The following SH3GL2 variants were observed in gnomAD, a reference collection of about 807,000 sequenced individuals.
SH3GL2 encodes the protein SH3 domain containing GRB2 like 2, endophilin A1, also known as endophilin-A1.
SH3GL2 carries 24 observed loss-of-function variants against 46.0 expected under a neutral mutation model. That is an observed-to-expected ratio of 0.52 (90% CI 0.38 to 0.73). The LOEUF is 0.73. Among genes scored for constraint, SH3GL2 ranks in the 30% least tolerant of loss-of-function variants. The probability of loss-of-function intolerance (pLI) is 0.00; values close to 1 mark genes in which losing one functional copy is unlikely to be tolerated. For missense variants in SH3GL2, 413 were observed against 424.2 expected, an observed-to-expected ratio of 0.97 and a Z score of 0.23; for synonymous variants, 196 against 147.1, an observed-to-expected ratio of 1.33 and a Z score of -2.40.
chr9:17,631,365 C>T (rs758359964), intron 1 of SH3GL2, among the ~76,000 whole-genome samples: 4 of 152,176 alleles, frequency 2.6e-5, no homozygotes, highest in Non-Finnish European at 5.9e-5. Context: ...CTGACATCCC[C>T]TCTTGCTCAG....
At chr9:17,633,676 G>C (rs909288025) in intron 1 of SH3GL2, among the ~76,000 whole-genome samples, 18 of 152,182 alleles carry the variant, frequency 1.2e-4, no homozygotes, top group African/African-American at 4.3e-4. Context: ...GAAATTGAAT[G>C]AAGAGGATTT....
chr9:17,722,794 A>G (rs745354427), intron 1 of SH3GL2, among the ~76,000 whole-genome samples: 1 of 152,082 alleles, frequency 6.6e-6, no homozygotes, highest in Non-Finnish European at 1.5e-5. Context: ...TTCTGTCAGT[A>G]ATTTATGTCC....
chr9:17,702,815 T>C (rs556570110), intron 1 of SH3GL2, among the ~76,000 whole-genome samples: 2 of 152,222 alleles, frequency 1.3e-5, no homozygotes, highest in East Asian at 3.9e-4. Context: ...ATGGTTTTTT[T>C]AAAGAGATTA....
intron 1 of SH3GL2, among the ~76,000 whole-genome samples, chr9:17,692,077 C>T (rs753064102): frequency 1.4e-4 from 22 of 151,992 alleles, no homozygotes; most frequent in African/African-American, 2.7e-4. Flanking sequence ...TTTTTGAAAT[C>T]GTAAAGTGTT....
chr9:17,770,778 C>T (rs1823456246), intron 3 of SH3GL2, among the ~76,000 whole-genome samples: 2 of 152,166 alleles, frequency 1.3e-5, no homozygotes, highest in Admixed American at 6.5e-5. Flanking sequence ...TCTCTAGAAC[C>T]TAAGGGTGGC....
intron 1 of SH3GL2, among the ~76,000 whole-genome samples, chr9:17,679,264 G>A (rs1291696034): frequency 3.3e-5 from 5 of 152,174 alleles, no homozygotes; most frequent in Admixed American, 2.6e-4. Context: ...CTATCCATGA[G>A]CATGGAATGT....
At chr9:17,788,840 C>A (rs746457556) in intron 5 of SH3GL2, among the ~76,000 whole-genome samples, 1 of 152,180 alleles carries the variant, frequency 6.6e-6, no homozygotes, top group African/African-American at 2.4e-5. Context: ...GATGTAGATT[C>A]CTAGGCCCCC....
At chr9:17,655,396 G>C (rs1188651864) in intron 1 of SH3GL2, among the ~76,000 whole-genome samples, 1 of 152,078 alleles carries the variant, frequency 6.6e-6, no homozygotes, top group Non-Finnish European at 1.5e-5. Context: ...CCTGCCCCCT[G>C]CTCATATAGC....
intron 1 of SH3GL2, among the ~76,000 whole-genome samples, chr9:17,627,897 C>G (rs775011559): frequency 6.6e-6 from 1 of 152,180 alleles, no homozygotes; most frequent in African/African-American, 2.4e-5. Flanking sequence ...TCTGGGAAGA[C>G]TTGGCTTTAG....
At chr9:17,639,460 T>G (rs10963177) in intron 1 of SH3GL2, among the ~76,000 whole-genome samples, 5 of 152,038 alleles carry the variant, frequency 3.3e-5, no homozygotes, top group Admixed American at 1.3e-4. Context: ...AGGAAATGCA[T>G]ATTAAAGCCA....
intron 1 of SH3GL2, among the ~76,000 whole-genome samples, chr9:17,624,990 A>G (rs1403599603): frequency 1.3e-5 from 2 of 152,214 alleles, no homozygotes; most frequent in Non-Finnish European, 2.9e-5. Flanking sequence ...GAGTGAGATG[A>G]AAATTGTTCT....
chr9:17,686,807 G>T (rs1425852308), intron 1 of SH3GL2, among the ~76,000 whole-genome samples: 7 of 120,134 alleles, frequency 5.8e-5, no homozygotes, highest in South Asian at 3.3e-4. Flanking sequence ...GGGGAGGGGG[G>T]AGGGTTAGCA....
At chr9:17,645,703 A>G (rs12552456) in intron 1 of SH3GL2, among the ~76,000 whole-genome samples, 16,959 of 152,094 alleles carry the variant, frequency 0.11, 1,082 homozygotes, top group Admixed American at 0.17. Flanking sequence ...ATTGGCCCCC[A>G]CTGTCTTCTG....
At chr9:17,713,695 A>G (rs1396054994) in intron 1 of SH3GL2, among the ~76,000 whole-genome samples, 1 of 151,672 alleles carries the variant, frequency 6.6e-6, no homozygotes, top group Non-Finnish European at 1.5e-5. Context: ...GATTTTCCAG[A>G]GATCTGCTTT....
intron 1 of SH3GL2, among the ~76,000 whole-genome samples, chr9:17,714,169 T>C (rs1821694383): frequency 6.6e-6 from 1 of 151,762 alleles, no homozygotes. Context: ...GGTGTATTTT[T>C]TACTTGTGTT....
intron 1 of SH3GL2, among the ~76,000 whole-genome samples, chr9:17,703,262 A>T (rs1027353148): frequency 1.3e-5 from 2 of 152,132 alleles, no homozygotes; most frequent in Non-Finnish European, 2.9e-5. Context: ...AATATTTTAT[A>T]AATAACTAGC....
At chr9:17,773,198 C>A (rs578160117) in intron 3 of SH3GL2, among the ~76,000 whole-genome samples, 1 of 151,910 alleles carries the variant, frequency 6.6e-6, no homozygotes, top group Non-Finnish European at 1.5e-5. Flanking sequence ...TTTTTTGTTG[C>A]GTTTTAGGAG....
intron 1 of SH3GL2, among the ~76,000 whole-genome samples, chr9:17,623,001 C>G (rs545580669): frequency 1.2e-4 from 10 of 80,490 alleles, no homozygotes; most frequent in Admixed American, 2.4e-4. Flanking sequence ...CTTTCCTTTC[C>G]TTTCCTTTCC....
Position 17,795,881 on chromosome 9 carries a change from T to C in SH3GL2, c.*138T>C. The C allele has an allele frequency of 1.5e-6, 1 of 685,280 alleles. No individual in the cohort carries two copies. Among genetic ancestry groups the C allele is most frequent in the Non-Finnish European group, 2.5e-6 (1 of 402,950 alleles). The allele number at this position is 685,280 out of a possible 1,614,324, so 42.4% of individuals were successfully genotyped here. The stretch of plus-strand genomic sequence containing the variant: ...ATCCAGCCCCACCAAGTGACTTTGG[T>C]TGACTTGTGGGCTCCCACAGGAGTC... On this transcript the variant is annotated 3_prime_UTR_variant, in exon 9 of 9. Coordinates refer to ENST00000380607, the MANE Select transcript of SH3GL2 (RefSeq NM_003026.5).
Sources: gnomAD v4.1 joint callset for allele counts (sites outside exome capture counted in the v4.1 genomes callset) on GRCh38, gnomAD v4.1.1 for gene constraint, MANE v1.5 for transcripts, NCBI Gene and HGNC (gene_info 2026-07-23, HGNC 2026-07-21) for gene names.